The following DGKG variants were observed in gnomAD, a reference collection of about 807,000 sequenced individuals.
The protein encoded by DGKG is diacylglycerol kinase gamma, also known as DAG kinase gamma.
In DGKG, 78 loss-of-function variants were observed where a neutral mutation model predicts 105.3. The observed-to-expected ratio is 0.74, with a 90% confidence interval of 0.62 to 0.89. The LOEUF is 0.89. DGKG is among the 40% of genes least tolerant of loss of function. The pLI, the probability that DGKG is intolerant of heterozygous loss-of-function variation, is 0.00. For synonymous variants in DGKG, 346 were observed against 367.1 expected (o/e 0.94, Z 0.66); for missense variants, 958 against 1,020.1 (o/e 0.94, Z 0.83).
chr3:186,161,070 T>G, intron 24 of DGKG: 1 of 986,438 alleles, frequency 1.0e-6, no homozygotes, highest in Non-Finnish European at 1.2e-6. Flanking sequence ...AATTTTCAAG[T>G]AGGTTATCAG....
chr3:186,270,978 C>T (rs1270965352), intron 11 of DGKG, among the ~76,000 whole-genome samples: 1 of 152,212 alleles, frequency 6.6e-6, no homozygotes, highest in African/African-American at 2.4e-5. Context: ...AAGGCATGGA[C>T]ATGGAGCAGG....
intron 21 of DGKG, among the ~76,000 whole-genome samples, chr3:186,200,056 T>C (rs1389521364): frequency 6.6e-6 from 1 of 152,144 alleles, no homozygotes; most frequent in Non-Finnish European, 1.5e-5. Context: ...GGAATTTGAT[T>C]TTTCATTTTA....
intron 2 of DGKG, among the ~76,000 whole-genome samples, chr3:186,309,024 C>T (rs1724390403): frequency 6.6e-6 from 1 of 152,204 alleles, no homozygotes; most frequent in South Asian, 2.1e-4. Flanking sequence ...AGTGTATGGT[C>T]TTTTCCCTTG....
chr3:186,317,431 G>T (rs1380050419), intron 2 of DGKG, among the ~76,000 whole-genome samples: 2 of 152,018 alleles, frequency 1.3e-5, no homozygotes, highest in South Asian at 2.1e-4. Context: ...ACCCTCCTGG[G>T]GCCTACAGGA....
rs76984419 is a variant in DGKG, at chr3:186,302,302, C to A, written c.145-4073G>T. On this transcript the variant is annotated intron_variant, in intron 3 of 24. Coordinates refer to ENST00000265022, the MANE Select transcript of DGKG (RefSeq NM_001346.3). ...ATAGGTATTTGAATGGATGATGTGT[C>A]CTAATCAGTGCACCTGAGGAATAGC... Among the ~76,000 whole-genome samples the A allele has an allele frequency of 1.7e-3, 261 of 151,724 alleles. 5 individuals carry two copies. The East Asian group carries it at 0.04, about 23-fold the overall frequency.
At chr3:186,206,402 AC>A (rs75371064) in intron 21 of DGKG, among the ~76,000 whole-genome samples, 23 of 147,904 alleles carry the variant, frequency 1.6e-4, no homozygotes, top group Admixed American at 2.7e-4. Context: ...ACAAAACAAA[AC>A]AAAAAAACAA....
intron 20 of DGKG, among the ~76,000 whole-genome samples, chr3:186,225,515 G>A (rs746201324): frequency 6.6e-6 from 1 of 151,952 alleles, no homozygotes; most frequent in Non-Finnish European, 1.5e-5. Flanking sequence ...GTGTTTATTT[G>A]GCTTGCATGG....
intron 24 of DGKG, among the ~76,000 whole-genome samples, chr3:186,156,944 A>G (rs1716064784): frequency 6.6e-6 from 1 of 151,970 alleles, no homozygotes; most frequent in Non-Finnish European, 1.5e-5. Context: ...ACAAATAATG[A>G]CAGTTTTGAC....
chr3:186,250,253 C>T (rs1432091828), intron 19 of DGKG, among the ~76,000 whole-genome samples: 1 of 152,148 alleles, frequency 6.6e-6, no homozygotes, highest in African/African-American at 2.4e-5. Context: ...AGTGGCTGTT[C>T]TCACTTACAA....
chr3:186,147,294 G>C lies in DGKG; in HGVS notation c.*2796C>G. ...CATGGCCAGAATCAGAATAAGATAAGAAATAAGGGATTAGGTTCTCCCCTG... is the reference window on the plus strand; with the variant it reads ...CATGGCCAGAATCAGAATAAGATAACAAATAAGGGATTAGGTTCTCCCCTG... On this transcript the variant is annotated 3_prime_UTR_variant, in exon 25 of 25. Coordinates refer to ENST00000265022, the MANE Select transcript of DGKG (RefSeq NM_001346.3). The C allele has an allele frequency of 1.0e-6, 1 of 985,846 alleles. No homozygotes were observed. Among genetic ancestry groups the C allele is most frequent in the Non-Finnish European group, 1.2e-6 (1 of 829,936 alleles). The allele number at this position is 985,846 out of a possible 1,614,324, so 61.1% of individuals were successfully genotyped here.
rs1157798911 is a variant in DGKG at position 186,148,024 on chromosome 3, C to A, written c.*2066G>T. ...CACAGTTAAGTGCCATTTGTACACA[C>A]AATCTTAATATTCCCTTCTTTGTCC... On this transcript the variant is annotated 3_prime_UTR_variant, in exon 25 of 25. Transcript: ENST00000265022. The A allele has an allele frequency of 2.0e-6, 2 of 985,342 alleles. No homozygotes were observed. The highest frequency in any genetic ancestry group is 4.7e-5 in the South Asian group (1 of 21,290). The allele number at this position is 985,342 out of a possible 1,614,324, so 61.0% of individuals were successfully genotyped here.
intron 1 of DGKG, among the ~76,000 whole-genome samples, chr3:186,339,123 A>G (rs1433872514): frequency 6.6e-6 from 1 of 152,192 alleles, no homozygotes; most frequent in African/African-American, 2.4e-5. Context: ...CCTTTCCTAT[A>G]AAGTTGGTTA....
At chr3:186,246,598 G>A (rs940672606) in intron 19 of DGKG, among the ~76,000 whole-genome samples, 14 of 152,186 alleles carry the variant, frequency 9.2e-5, no homozygotes, top group African/African-American at 3.4e-4. Flanking sequence ...GGAGATTGGG[G>A]AATGGAAAAG....
chr3:186,260,367 CAA>C (rs766821074), intron 16 of DGKG, 70 bp downstream of exon 16: 4 of 1,110,418 alleles, frequency 3.6e-6, no homozygotes, highest in Non-Finnish European at 5.4e-6. Flanking sequence ...AAAAAGGTGA[CAA>C]AAGAGGCATC....
chr3:186,228,579 C>T (rs556062441), intron 20 of DGKG, among the ~76,000 whole-genome samples: 21 of 152,290 alleles, frequency 1.4e-4, no homozygotes, highest in East Asian at 3.9e-4. Context: ...CTGCTCCCCC[C>T]GCCTTTTCAC....
chr3:186,252,188 C>T (rs140387507), intron 18 of DGKG, among the ~76,000 whole-genome samples: 113 of 152,312 alleles, frequency 7.4e-4, no homozygotes, highest in African/African-American at 1.0e-3. Flanking sequence ...CCTGGAGAAG[C>T]GGTGGGCTGG....
chr3:186,320,414 G>C lies in DGKG; in HGVS notation c.46C>G (p.Gln16Glu), dbSNP rs1431645396. The change falls in exon 2 of 25, where the codon CAA becomes GAA. Residue 16 changes from glutamine to glutamate, a missense_variant. By Grantham distance (29) the Gln-to-Glu change is conservative. Coordinates refer to ENST00000265022, the MANE Select transcript of DGKG (RefSeq NM_001346.3). ...WVSLTPEEFD[Q>E]LQKYSEYSSK... Reference sequence around the variant, plus strand: ...TCACATTCTGAATATTTCTGGAGTTGGTCAAATTCTTCTGGAGTGAGGGAG... The same window carrying C: ...TCACATTCTGAATATTTCTGGAGTTCGTCAAATTCTTCTGGAGTGAGGGAG... The C allele has an allele frequency of 2.5e-6, 4 of 1,614,110 alleles. No homozygotes were observed. In the South Asian group the frequency reaches 4.4e-5, roughly 18 times the overall value.
chr3:186,278,143 C>T (rs1181651403), intron 9 of DGKG, among the ~76,000 whole-genome samples: 2 of 151,982 alleles, frequency 1.3e-5, no homozygotes, highest in Non-Finnish European at 2.9e-5. Context: ...CACAAGACAG[C>T]GGGTCTTTTC....
intron 1 of DGKG, among the ~76,000 whole-genome samples, chr3:186,340,826 A>T (rs1467115308): frequency 6.6e-6 from 1 of 152,122 alleles, no homozygotes; most frequent in South Asian, 2.1e-4. Context: ...ATCAGACATC[A>T]ATTCGCCAAG....
Sources: gnomAD v4.1 joint callset for allele counts (sites outside exome capture counted in the v4.1 genomes callset) on GRCh38, gnomAD v4.1.1 for gene constraint, MANE v1.5 for transcripts, NCBI Gene and HGNC (gene_info 2026-07-23, HGNC 2026-07-21) for gene names.